The following TPX2 variants were observed in gnomAD, a reference collection of about 807,000 sequenced individuals.
The protein encoded by TPX2 is targeting protein for Xklp2.
A neutral mutation model predicts 93.6 loss-of-function variants in TPX2; 21 were observed. The ratio of observed to expected loss-of-function variants is 0.22; its 90% CI spans 0.16 to 0.32. The LOEUF (loss-of-function observed/expected upper bound fraction) is 0.32. TPX2 is among the 10% of genes least tolerant of loss of function. The pLI, the probability that TPX2 is intolerant of heterozygous loss-of-function variation, is 1.00. For missense variants in TPX2, 776 were observed against 871.1 expected (o/e 0.89, Z 1.37); for synonymous variants, 281 against 298.3 (o/e 0.94, Z 0.60).
chr20:31,798,222 G>C, intron 16 of TPX2, 143 bp from the exon 17 acceptor site: 1 of 993,922 alleles, frequency 1.0e-6, no homozygotes, highest in Non-Finnish European at 1.5e-6. Context: ...TATTTAGTTG[G>C]CTCTACCTTT....
chr20:31,776,017 C>G (rs761506186), intron 8 of TPX2, 29 bp downstream of exon 8: 2 of 1,202,258 alleles, frequency 1.7e-6, no homozygotes, highest in East Asian at 6.7e-5. Context: ...GAGTCTGATT[C>G]ATGAGGGGTG....
intron 15 of TPX2, 144 bp downstream of exon 15, chr20:31,794,692 T>A: frequency 9.4e-7 from 1 of 1,063,054 alleles, no homozygotes. Flanking sequence ...GCACATTATT[T>A]CTGTAAAGGG....
intron 1 of TPX2, among the ~76,000 whole-genome samples, chr20:31,739,986 A>G (rs543649703): frequency 1.3e-5 from 2 of 152,330 alleles, no homozygotes; most frequent in East Asian, 1.9e-4. Context: ...GTTGTCTTCT[A>G]TTTGGGATTT....
intron 2 of TPX2, among the ~76,000 whole-genome samples, chr20:31,749,236 G>A (rs1050726073): frequency 4.6e-5 from 7 of 152,048 alleles, no homozygotes; most frequent in South Asian, 2.1e-4. Context: ...GTGAGCCACC[G>A]CGCCCAGCTT....
chr20:31,798,913 A>G (rs561117121), intron 17 of TPX2, among the ~76,000 whole-genome samples: 3 of 152,244 alleles, frequency 2.0e-5, no homozygotes, highest in South Asian at 4.1e-4. Context: ...AAGGAGGACA[A>G]CATGTGGTAT....
At chr20:31,774,357 C>G (rs1016561091) in intron 7 of TPX2, among the ~76,000 whole-genome samples, 2 of 152,130 alleles carry the variant, frequency 1.3e-5, no homozygotes, top group Non-Finnish European at 1.5e-5. Context: ...GATTGTATTA[C>G]TGCTACTATT....
In TPX2 at chr20:31,801,025, A is replaced by G. The variant is rs751873245; in HGVS notation, c.2189A>G (p.Asp730Gly). ...CAGGGTCTGGAGATAAAGTCAAGTG[A>G]CCAGCCTCTGACTGTGCCTGTATCT... The part of the protein sequence containing the change: ...KYQGLEIKSS[D>G]QPLTVPVSPK... Residue 730 changes from aspartate to glycine, a missense_variant, in exon 18 of 18, where the codon GAC (aspartate) becomes GGC (glycine). Coordinates refer to ENST00000300403, the MANE Select transcript of TPX2 (RefSeq NM_012112.5). The G allele has an allele frequency of 6.2e-7, 1 of 1,614,104 alleles. No homozygotes were observed. The highest frequency in any genetic ancestry group is 8.5e-7 in the Non-Finnish European group (1 of 1,180,044).
At chr20:31,792,928 A>C in intron 13 of TPX2, 98 bp downstream of exon 13, 1 of 1,127,252 alleles carries the variant, frequency 8.9e-7, no homozygotes, top group Non-Finnish European at 1.3e-6. Flanking sequence ...AAAGGCAACC[A>C]CTCTTTTTTG....
chr20:31,743,586 C>G (rs978099061), intron 2 of TPX2, among the ~76,000 whole-genome samples: 2 of 151,312 alleles, frequency 1.3e-5, no homozygotes, highest in African/African-American at 4.9e-5. Context: ...GTCCCAGCTA[C>G]TTGGGGGGCC....
chr20:31,774,796 G>T (rs2061985687), intron 7 of TPX2, among the ~76,000 whole-genome samples: 1 of 152,050 alleles, frequency 6.6e-6, no homozygotes, highest in Non-Finnish European at 1.5e-5. Flanking sequence ...TTTGAGACAG[G>T]GCCTTGCTGT....
intron 4 of TPX2, among the ~76,000 whole-genome samples, chr20:31,764,181 TA>T (rs2061910345): frequency 1.3e-5 from 2 of 151,932 alleles, no homozygotes; most frequent in South Asian, 4.2e-4. Flanking sequence ...TATATGTATA[TA>T]TTTTTGAGAC....
chr20:31,776,725 T>C (rs893573123), intron 8 of TPX2, among the ~76,000 whole-genome samples: 2 of 151,544 alleles, frequency 1.3e-5, no homozygotes, highest in South Asian at 2.1e-4. Context: ...TGGGATTTCA[T>C]CATGTTGGCC....
At chr20:31,798,299 T>C in intron 16 of TPX2, 66 bp from the exon 17 acceptor site, 1 of 1,600,920 alleles carries the variant, frequency 6.2e-7, no homozygotes, top group Non-Finnish European at 8.6e-7. Flanking sequence ...ACTTGCTCAT[T>C]CCAGGGGGCG....
chr20:31,782,128 T>A, intron 10 of TPX2, 121 bp from the exon 11 acceptor site: 1 of 1,298,620 alleles, frequency 7.7e-7, no homozygotes, highest in Non-Finnish European at 1.0e-6. Flanking sequence ...CTGAGCTGAC[T>A]GTTGTGGGCC....
intron 8 of TPX2, among the ~76,000 whole-genome samples, chr20:31,776,952 A>G (rs908618862): frequency 1.3e-5 from 2 of 152,186 alleles, no homozygotes; most frequent in African/African-American, 4.8e-5. Context: ...AAGGCAAAGG[A>G]AAAGAAAACA....
At chr20:31,748,233 T>C (rs1433397425) in intron 2 of TPX2, among the ~76,000 whole-genome samples, 1 of 152,146 alleles carries the variant, frequency 6.6e-6, no homozygotes, top group Admixed American at 6.6e-5. Flanking sequence ...AAAGATTAAG[T>C]GTACTTAGGT....
At chr20:31,776,423 TCATTTAGTAGTCAG>T (rs2062000038) in intron 8 of TPX2, among the ~76,000 whole-genome samples, 2 of 152,086 alleles carry the variant, frequency 1.3e-5, no homozygotes, top group Admixed American at 1.3e-4. Context: ...AAAGGCTTTC[TCATTTAGTAGTCAG>T]CATAAAAAAG....
At chr20:31,761,393 G>T (rs574241143) in intron 4 of TPX2, among the ~76,000 whole-genome samples, 2 of 151,824 alleles carry the variant, frequency 1.3e-5, no homozygotes, top group Non-Finnish European at 2.9e-5. Context: ...GTAGAGACAG[G>T]GTTTCACCAT....
intron 2 of TPX2, among the ~76,000 whole-genome samples, chr20:31,747,066 A>G (rs1189749857): frequency 6.6e-6 from 1 of 151,998 alleles, no homozygotes; most frequent in Non-Finnish European, 1.5e-5. Context: ...ATAGCCCTAT[A>G]TTGTAATTGT....
Sources: allele counts gnomAD v4.1 joint callset (sites outside exome capture counted in the v4.1 genomes callset), GRCh38; gene constraint gnomAD v4.1.1; transcripts MANE v1.5; gene names NCBI Gene and HGNC (gene_info 2026-07-23, HGNC 2026-07-21).